NPAS3: variants seen among roughly 807,000 people sequenced by gnomAD.
NPAS3 encodes neuronal PAS domain protein 3, also known as neuronal PAS domain-containing protein 3.
A neutral mutation model predicts 73.1 loss-of-function variants in NPAS3; 14 were observed. That is an observed-to-expected ratio of 0.19 (90% confidence interval 0.13 to 0.30). The LOEUF (loss-of-function observed/expected upper bound fraction) is 0.30. NPAS3 is among the 10% of genes least tolerant of loss of function. The pLI, the probability that NPAS3 is intolerant of heterozygous loss-of-function variation, is 1.00. For synonymous variants in NPAS3, 620 were observed against 541.5 expected (o/e 1.14, Z -2.01); for missense variants, 1,096 against 1,250.0 (o/e 0.88, Z 1.86).
chr14:33,403,774 A>G (rs1379005612), intron 4 of NPAS3, among the ~76,000 whole-genome samples: 1 of 152,036 alleles, frequency 6.6e-6, no homozygotes, highest in Admixed American at 6.6e-5. Flanking sequence ...GGCCCACGGT[A>G]ATGGTGGTGG....
Position 33,626,797 on chromosome 14 carries a change from G to T in NPAS3, c.559-49414G>T, listed in dbSNP as rs577964462. Reference sequence around the variant, plus strand: ...AAAAGAAACCAAATACATCAGTTTTGTAGTATTTTAGGTTATCCATACAAA... The same window carrying T: ...AAAAGAAACCAAATACATCAGTTTTTTAGTATTTTAGGTTATCCATACAAA... On this transcript the variant is annotated intron_variant, in intron 5 of 11. Transcript: ENST00000356141. 2.8e-4 allele frequency among the ~76,000 whole-genome samples: 43 copies of T among 152,206 alleles called. 1 individual carries two copies. In the South Asian group the frequency reaches 8.7e-3, roughly 31 times the overall value.
At chr14:33,299,110 A>G (rs951165986) in intron 3 of NPAS3, among the ~76,000 whole-genome samples, 2 of 152,214 alleles carry the variant, frequency 1.3e-5, no homozygotes, top group Non-Finnish European at 2.9e-5. Flanking sequence ...TGGAGCTGCC[A>G]TAGATCTATG....
chr14:32,997,900 T>C (rs1398438745), intron 1 of NPAS3, among the ~76,000 whole-genome samples: 3 of 152,226 alleles, frequency 2.0e-5, no homozygotes, highest in African/African-American at 7.2e-5. Flanking sequence ...CGTATGTCTT[T>C]ATCAGCAGCA....
intron 5 of NPAS3, among the ~76,000 whole-genome samples, chr14:33,640,362 A>T (rs2058644167): frequency 6.6e-6 from 1 of 152,206 alleles, no homozygotes; most frequent in Non-Finnish European, 1.5e-5. Context: ...TTTTCCTGGA[A>T]GATCTACCTG....
At chr14:33,092,489 A>T (rs141975442) in intron 2 of NPAS3, among the ~76,000 whole-genome samples, 97 of 152,344 alleles carry the variant, frequency 6.4e-4, no homozygotes, top group Admixed American at 1.6e-3. Flanking sequence ...AAATGGAAGA[A>T]CATTCCATGG....
intron 3 of NPAS3, among the ~76,000 whole-genome samples, chr14:33,364,238 C>T (rs1211667119): frequency 2.6e-5 from 4 of 152,058 alleles, no homozygotes; most frequent in African/African-American, 9.7e-5. Context: ...ATTAATGATA[C>T]TCTATAAACA....
intron 1 of NPAS3, among the ~76,000 whole-genome samples, chr14:32,996,874 G>T (rs1418154652): frequency 6.6e-6 from 1 of 152,158 alleles, no homozygotes; most frequent in African/African-American, 2.4e-5. Context: ...GCCTAATGGA[G>T]CTTTGAGGAG....
At chr14:32,975,860 CGTGTGTGTGTGTGTGT>C (rs71118522) in intron 1 of NPAS3, among the ~76,000 whole-genome samples, 9 of 145,636 alleles carry the variant, frequency 6.2e-5, no homozygotes, top group African/African-American at 2.0e-4. Context: ...TGGTGAGGGG[CGTGTGTGTGTGTGTGT>C]GTGTGTGTGT....
At chr14:33,543,968 T>TCAGGA (rs2054643435) in intron 4 of NPAS3, among the ~76,000 whole-genome samples, 1 of 30,392 alleles carries the variant, frequency 3.3e-5, no homozygotes, top group African/African-American at 3.6e-4. Context: ...TATATATATA[T>TCAGGA]ATATATATAT....
intron 4 of NPAS3, among the ~76,000 whole-genome samples, chr14:33,443,268 C>A (rs774405047): frequency 2.0e-5 from 3 of 151,362 alleles, no homozygotes; most frequent in Middle Eastern, 3.4e-3. Flanking sequence ...TCTAGAAACT[C>A]TGTTAAAAAA....
At chr14:33,014,435 T>G (rs553632457) in intron 1 of NPAS3, among the ~76,000 whole-genome samples, 4 of 152,320 alleles carry the variant, frequency 2.6e-5, no homozygotes, top group Non-Finnish European at 5.9e-5. Flanking sequence ...GCTACTCAAA[T>G]GTCACAATTG....
At chr14:33,533,017 C>A (rs1230675512) in intron 4 of NPAS3, among the ~76,000 whole-genome samples, 1 of 152,038 alleles carries the variant, frequency 6.6e-6, no homozygotes, top group Non-Finnish European at 1.5e-5. Flanking sequence ...TTCCTTAATT[C>A]TTTAACTCAA....
intron 2 of NPAS3, among the ~76,000 whole-genome samples, chr14:33,070,003 G>A (rs2041428626): frequency 6.6e-6 from 1 of 152,170 alleles, no homozygotes; most frequent in Admixed American, 6.5e-5. Flanking sequence ...GGCACATTTT[G>A]ATTGACAGAC....
intron 4 of NPAS3, among the ~76,000 whole-genome samples, chr14:33,543,255 G>A (rs2054602432): frequency 6.6e-6 from 1 of 152,126 alleles, no homozygotes; most frequent in African/African-American, 2.4e-5. Context: ...TCTGCTTCCA[G>A]TTATATATGA....
intron 6 of NPAS3, among the ~76,000 whole-genome samples, chr14:33,691,382 C>A (rs2060231730): frequency 6.6e-6 from 1 of 152,164 alleles, no homozygotes; most frequent in African/African-American, 2.4e-5. Context: ...AATAATTTCA[C>A]AATGCCGTAA....
intron 6 of NPAS3, among the ~76,000 whole-genome samples, chr14:33,678,754 GAAA>G (rs33960834): frequency 6.8e-6 from 1 of 146,334 alleles, no homozygotes. Flanking sequence ...GACTTTGGGA[GAAA>G]AAAAAAAAAA....
intron 2 of NPAS3, among the ~76,000 whole-genome samples, chr14:33,197,284 A>G (rs1026925135): frequency 1.1e-5 from 1 of 92,636 alleles, no homozygotes; most frequent in African/African-American, 3.9e-5. Context: ...TTCAATTGAG[A>G]TCCACTGTAC....
chr14:33,277,530 G>C (rs992133898), intron 3 of NPAS3, among the ~76,000 whole-genome samples: 5 of 152,062 alleles, frequency 3.3e-5, no homozygotes. Context: ...AATATAAGGG[G>C]CTAGGTAAAA....
Position 33,268,789 on chromosome 14 carries a change from T to C in NPAS3, c.385+53363T>C, listed in dbSNP as rs79233505. ...TACTGGAAAATTGAAAGCTCATTTG[T>C]ATGTGTTTAAGCTGAAGGACGATGT... On this transcript the variant is annotated intron_variant, in intron 3 of 11. Transcript: ENST00000356141. Among the ~76,000 whole-genome samples the C allele has an allele frequency of 5.6e-3, 847 of 152,338 alleles. 1 individual carries two copies. The highest frequency in any genetic ancestry group is 8.3e-3 in the Non-Finnish European group (564 of 68,020).
Sources: allele counts gnomAD v4.1 joint callset (sites outside exome capture counted in the v4.1 genomes callset), GRCh38; gene constraint gnomAD v4.1.1; transcripts MANE v1.5; gene names NCBI Gene and HGNC (gene_info 2026-07-23, HGNC 2026-07-21).